DGKB: variants seen among roughly 807,000 people sequenced by gnomAD.
The protein encoded by DGKB is diacylglycerol kinase beta.
DGKB carries 67 observed loss-of-function variants against 114.3 expected under a neutral mutation model. That is an observed-to-expected ratio of 0.59 (90% CI 0.48 to 0.72). DGKB has a LOEUF of 0.72. DGKB is among the 30% of genes least tolerant of loss of function. The pLI is 0.00. For synonymous variants in DGKB, 398 were observed against 323.1 expected (o/e 1.23, Z -2.49); for missense variants, 907 against 975.2 (o/e 0.93, Z 0.93).
chr7:14,906,081 AG>A (rs1371418578), upstream of DGKB, among the ~76,000 whole-genome samples: 1 of 152,050 alleles, frequency 6.6e-6, no homozygotes, highest in African/African-American at 2.4e-5. Flanking sequence ...CAATCAATAA[AG>A]TTATCTAGAA....
intron 1 of DGKB, among the ~76,000 whole-genome samples, chr7:14,940,745 T>C (rs1655568620): frequency 6.6e-6 from 1 of 152,002 alleles, no homozygotes; most frequent in African/African-American, 2.4e-5. Context: ...CCAACTATAA[T>C]TTCTTTTGTT....
intron 1 of DGKB, among the ~76,000 whole-genome samples, chr7:14,862,657 T>C (rs1431761078): frequency 1.3e-5 from 2 of 152,132 alleles, no homozygotes; most frequent in Non-Finnish European, 2.9e-5. Flanking sequence ...CTATACTCTG[T>C]TGCCTCCCTT....
chr7:14,534,322 A>G (rs1460811876), intron 20 of DGKB, among the ~76,000 whole-genome samples: 1 of 152,060 alleles, frequency 6.6e-6, no homozygotes, highest in Non-Finnish European at 1.5e-5. Flanking sequence ...ACAAAGAGGA[A>G]AAAATCAAAG....
chr7:14,648,085 C>T (rs1813508992), intron 13 of DGKB, among the ~76,000 whole-genome samples: 1 of 152,324 alleles, frequency 6.6e-6, no homozygotes, highest in South Asian at 2.1e-4. Flanking sequence ...CCCACCATTG[C>T]CCAGGCTTGA....
intron 1 of DGKB, among the ~76,000 whole-genome samples, chr7:14,879,765 A>G (rs75576838): frequency 0.011 from 1,744 of 152,324 alleles, 29 homozygotes; most frequent in African/African-American, 0.04. Context: ...ATCTTTCCTT[A>G]TAAGACTTTT....
chr7:14,792,399 G>C (rs561543203), intron 2 of DGKB, among the ~76,000 whole-genome samples: 4 of 152,270 alleles, frequency 2.6e-5, no homozygotes, highest in Admixed American at 2.6e-4. Context: ...AAAGGGAATA[G>C]ATAATATCTC....
chr7:14,859,368 C>G (rs1488466688), intron 1 of DGKB, among the ~76,000 whole-genome samples: 1 of 152,016 alleles, frequency 6.6e-6, no homozygotes, highest in African/African-American at 2.4e-5. Flanking sequence ...ATGTGAAAGC[C>G]ACAAAATGTT....
At chr7:14,907,099 T>C (rs1783750250), upstream of DGKB, among the ~76,000 whole-genome samples, 2 of 152,208 alleles carry the variant, frequency 1.3e-5, no homozygotes, top group Admixed American at 1.3e-4. Context: ...TTTAAATCAA[T>C]GAATCAGTGG....
intron 12 of DGKB, 44 bp downstream of exon 12, chr7:14,682,509 C>T (rs1325985666): frequency 2.3e-6 from 3 of 1,310,148 alleles, no homozygotes; most frequent in Non-Finnish European, 3.3e-6. Context: ...TACACGTCTT[C>T]AGTGTGGGTG....
intron 24 of DGKB, 112 bp downstream of exon 24, chr7:14,177,919 G>T (rs1782028484): frequency 8.8e-7 from 1 of 1,132,748 alleles, no homozygotes; most frequent in South Asian, 1.8e-5. Flanking sequence ...ATTAATAACT[G>T]ATTATTTGGA....
chr7:14,718,057 C>T (rs1489940519), intron 6 of DGKB, among the ~76,000 whole-genome samples: 1 of 152,118 alleles, frequency 6.6e-6, no homozygotes, highest in African/African-American at 2.4e-5. Flanking sequence ...ATAAATGACA[C>T]TTTCAGGTTT....
intron 20 of DGKB, among the ~76,000 whole-genome samples, chr7:14,571,762 T>G (rs1798420314): frequency 6.6e-6 from 1 of 152,182 alleles, no homozygotes; most frequent in Non-Finnish European, 1.5e-5. Flanking sequence ...AGTGACCATA[T>G]GGATGCGATG....
chr7:14,172,163 G>C (rs1191246157), intron 25 of DGKB, among the ~76,000 whole-genome samples: 1 of 152,126 alleles, frequency 6.6e-6, no homozygotes, highest in Non-Finnish European at 1.5e-5. Flanking sequence ...TGGACAAGAG[G>C]GAAGCGCATG....
chr7:14,355,346 G>C (rs1394861834), intron 21 of DGKB, among the ~76,000 whole-genome samples: 1 of 152,154 alleles, frequency 6.6e-6, no homozygotes, highest in East Asian at 1.9e-4. Context: ...AGGCATCCCT[G>C]TCTTGTGCTG....
intron 23 of DGKB, among the ~76,000 whole-genome samples, chr7:14,248,806 T>C (rs1794820866): frequency 6.6e-6 from 1 of 152,128 alleles, no homozygotes; most frequent in South Asian, 2.1e-4. Context: ...TTTACTTCTT[T>C]CTTTTCAATG....
intron 20 of DGKB, among the ~76,000 whole-genome samples, chr7:14,564,670 C>T (rs939531461): frequency 6.6e-6 from 1 of 152,128 alleles, no homozygotes; most frequent in African/African-American, 2.4e-5. Context: ...GATGCATCTT[C>T]ACTGGCCCAA....
chr7:14,320,358 T>A (rs1807520938), intron 23 of DGKB, among the ~76,000 whole-genome samples: 1 of 152,144 alleles, frequency 6.6e-6, no homozygotes, highest in Admixed American at 6.6e-5. Flanking sequence ...GGTCAGATGA[T>A]CCATATTTAT....
chr7:14,264,562 A>AAAG (rs1797223085), intron 23 of DGKB, among the ~76,000 whole-genome samples: 1 of 152,198 alleles, frequency 6.6e-6, no homozygotes, highest in Admixed American at 6.5e-5. Context: ...AAACCTTAAG[A>AAAG]AAGTCAAGCA....
chr7:14,855,847 T>A (rs1249660913), intron 1 of DGKB, among the ~76,000 whole-genome samples: 1 of 152,094 alleles, frequency 6.6e-6, no homozygotes, highest in African/African-American at 2.4e-5. Context: ...TTGAAAAATA[T>A]TTATCCTGAT....
Sources: allele counts gnomAD v4.1 joint callset (sites outside exome capture counted in the v4.1 genomes callset), GRCh38; gene constraint gnomAD v4.1.1; transcripts MANE v1.5; gene names NCBI Gene and HGNC (gene_info 2026-07-23, HGNC 2026-07-21).